Variants in FMN2 observed in about 807,000 individuals in gnomAD.
FMN2 encodes the protein formin-2.
A neutral mutation model predicts 142.3 loss-of-function variants in FMN2; 51 were observed. That is an observed-to-expected ratio of 0.36 (90% CI 0.29 to 0.45). The LOEUF is 0.45. FMN2 is among the 20% of genes least tolerant of loss of function. The pLI is 1.00. For missense variants in FMN2, 1,936 were observed against 2,122.8 expected, an observed-to-expected ratio of 0.91 and a Z score of 1.73; for synonymous variants, 882 against 869.8, an observed-to-expected ratio of 1.01 and a Z score of -0.25.
Position 240,092,789 on chromosome 1 carries a change from A to G in FMN2, c.680A>G (p.Gln227Arg), listed in dbSNP as rs1467372083. The G allele has an allele frequency of 1.3e-6, 2 of 1,597,388 alleles. No individual in the cohort carries two copies. Among genetic ancestry groups the G allele is most frequent in the Non-Finnish European group, 1.7e-6 (2 of 1,172,418 alleles). Residue 227 changes from glutamine (Q) to arginine (R), a missense_variant, in exon 1 of 18, where the codon CAG (glutamine) becomes CGG (arginine). Around this residue, in one of 8 missense-constraint regions of FMN2, gnomAD observed 751 missense variants for 791.8 expected, o/e 0.95. Coordinates refer to ENST00000319653, the MANE Select transcript of FMN2 (RefSeq NM_020066.5). ...LQQQQQQQQL[Q>R]GAEEPAAPPT... is the part of the protein sequence containing the mutation. Reference sequence around the variant, plus strand: ...CAACAGCAGCAGCAGCAGCAGCTCCAGGGCGCCGAGGAGCCTGCAGCGCCC... The same window carrying G: ...CAACAGCAGCAGCAGCAGCAGCTCCGGGGCGCCGAGGAGCCTGCAGCGCCC...
chr1:240,199,311 C>T (rs931795270), intron 4 of FMN2, among the ~76,000 whole-genome samples: 8 of 152,054 alleles, frequency 5.3e-5, no homozygotes, highest in Non-Finnish European at 1.2e-4. Flanking sequence ...ATTATTACAG[C>T]GTTAACTTAC....
At chr1:240,241,825 C>CTTCTTTTTTTTTTTTTTTTTTT (rs1667908718) in intron 6 of FMN2, among the ~76,000 whole-genome samples, 10 of 96,238 alleles carry the variant, frequency 1.0e-4, no homozygotes, top group Middle Eastern at 5.0e-3. Context: ...GTGTGCCTTG[C>CTTCTTTTTTTTTTTTTTTTTTT]TTTTTTTTTT....
Position 240,310,119 on chromosome 1 carries a change from A to T in FMN2, c.4215+15236A>T, listed in dbSNP as rs558883680. Among the ~76,000 whole-genome samples the T allele has an allele frequency of 1.6e-4, 25 of 152,342 alleles. No homozygotes were observed. The East Asian group carries it at 4.6e-3, about 28-fold the overall frequency. On this transcript the variant is annotated intron_variant, in intron 8 of 17. Coordinates refer to ENST00000319653, the MANE Select transcript of FMN2 (RefSeq NM_020066.5). ...GTTTAATAATAACATTTGAGGGTACATGTGAATTTTATCTAGAAAAAATAA... is the reference window on the plus strand; with the variant it reads ...GTTTAATAATAACATTTGAGGGTACTTGTGAATTTTATCTAGAAAAAATAA...
intron 2 of FMN2, among the ~76,000 whole-genome samples, chr1:240,177,452 T>C (rs1185497177): frequency 1.3e-5 from 2 of 152,170 alleles, no homozygotes; most frequent in Admixed American, 6.5e-5. Context: ...GTCGGTTTCC[T>C]GGGCCTTTTG....
At chr1:240,117,744 G>A (rs1662077757) in intron 1 of FMN2, among the ~76,000 whole-genome samples, 1 of 152,170 alleles carries the variant, frequency 6.6e-6, no homozygotes, top group Non-Finnish European at 1.5e-5. Flanking sequence ...ATTCATTGAT[G>A]ATCGAAAAAT....
At chr1:240,227,185 G>A (rs1001990996) in intron 6 of FMN2, among the ~76,000 whole-genome samples, 1 of 152,142 alleles carries the variant, frequency 6.6e-6, no homozygotes, top group African/African-American at 2.4e-5. Flanking sequence ...AATGTAATTA[G>A]GAAAACAACT....
At chr1:240,296,438 C>CTTTTTTTTTTTTTTTTTTTTTTTTTTT (rs772711130) in intron 8 of FMN2, among the ~76,000 whole-genome samples, 5 of 46,916 alleles carry the variant, frequency 1.1e-4, no homozygotes, top group Admixed American at 3.2e-4. Context: ...TCTTTGAGTG[C>CTTTTTTTTTTTTTTTTTTTTTTTTTTT]TTTTTTTTTT....
At chr1:240,097,923 G>A (rs968361599) in intron 1 of FMN2, among the ~76,000 whole-genome samples, 25 of 152,022 alleles carry the variant, frequency 1.6e-4, no homozygotes, top group Admixed American at 1.6e-3. Flanking sequence ...CATTAAGCTA[G>A]TAAGTGGCCC....
chr1:240,447,808 C>A (rs1410934358), intron 16 of FMN2, among the ~76,000 whole-genome samples: 1 of 152,090 alleles, frequency 6.6e-6, no homozygotes, highest in African/African-American at 2.4e-5. Flanking sequence ...AGTGCACAAA[C>A]CTACGCATCT....
Position 240,093,677 on chromosome 1 carries a change from C to T in FMN2, c.1568C>T (p.Ala523Val). 1 of 1,353,540 alleles carries T rather than the reference C, an allele frequency of 7.4e-7. No homozygotes were observed. Among genetic ancestry groups the T allele is most frequent in the Non-Finnish European group, 9.4e-7 (1 of 1,058,516 alleles). 83.8% of individuals were successfully genotyped at this position (1,353,540 alleles called of 1,614,324 possible). Residue 523 changes from alanine to valine, a missense_variant, in exon 1 of 18, where the codon GCG (alanine) becomes GTG (valine). Physicochemically the swap from Ala to Val is moderately conservative, Grantham distance 64. This residue lies in a region of FMN2 where 751 missense variants were observed against 791.8 expected (regional missense o/e 0.95). Transcript: ENST00000319653. Reference protein sequence around the residue: ...GGVSPALAAKASGAPAAADGF... With the variant: ...GGVSPALAAKVSGAPAAADGF... The stretch of plus-strand genomic sequence containing the variant: ...GTGTCCCCAGCACTGGCCGCCAAGG[C>T]GTCTGGGGCCCCCGCGGCTGCGGAT...
chr1:240,095,206 T>C (rs1390033793), intron 1 of FMN2, among the ~76,000 whole-genome samples: 1 of 152,196 alleles, frequency 6.6e-6, no homozygotes, highest in Non-Finnish European at 1.5e-5. Context: ...ATATTTTCTC[T>C]TTATCTAAGT....
intron 8 of FMN2, among the ~76,000 whole-genome samples, chr1:240,326,355 A>G (rs1040444111): frequency 1.3e-5 from 2 of 152,192 alleles, no homozygotes; most frequent in African/African-American, 2.4e-5. Flanking sequence ...AATAGAGTAC[A>G]AGGTATAAAG....
At chr1:240,195,715 C>G (rs2103361587) in intron 4 of FMN2, among the ~76,000 whole-genome samples, 1 of 152,276 alleles carries the variant, frequency 6.6e-6, no homozygotes, top group East Asian at 1.9e-4. Context: ...TTGACTGTAT[C>G]TTTTTAAATT....
intron 2 of FMN2, chr1:240,142,635 A>G (rs1217876131): frequency 2.5e-6 from 4 of 1,575,022 alleles, no homozygotes; most frequent in Non-Finnish European, 2.6e-6. Context: ...CCACTGATAC[A>G]TCAGCTGCAG....
intron 7 of FMN2, among the ~76,000 whole-genome samples, chr1:240,281,177 C>G (rs1191375577): frequency 6.6e-6 from 1 of 152,012 alleles, no homozygotes; most frequent in Non-Finnish European, 1.5e-5. Flanking sequence ...TTGAGATGTA[C>G]CAGTGTTGGA....
intron 7 of FMN2, among the ~76,000 whole-genome samples, chr1:240,280,504 A>G (rs1266947683): frequency 6.6e-6 from 1 of 152,204 alleles, no homozygotes; most frequent in African/African-American, 2.4e-5. Flanking sequence ...CATGTGTTAG[A>G]AAACAGTGGC....
At chr1:240,296,185 A>C (rs1429107735) in intron 8 of FMN2, among the ~76,000 whole-genome samples, 1 of 141,044 alleles carries the variant, frequency 7.1e-6, no homozygotes, top group Non-Finnish European at 1.5e-5. Context: ...AGCTTTTGTT[A>C]TGTAGTACTT....
chr1:240,466,437 T>C (rs901996896), intron 16 of FMN2, among the ~76,000 whole-genome samples: 2 of 152,292 alleles, frequency 1.3e-5, no homozygotes, highest in Non-Finnish European at 2.9e-5. Flanking sequence ...ATTATAAAGA[T>C]TTTTTTAAAG....
At chr1:240,468,666 A>T (rs904843072) in intron 16 of FMN2, among the ~76,000 whole-genome samples, 1 of 152,176 alleles carries the variant, frequency 6.6e-6, no homozygotes, top group African/African-American at 2.4e-5. Context: ...TTGTGACATG[A>T]CCATCTTTTT....
Sources: allele counts gnomAD v4.1 joint callset (sites outside exome capture counted in the v4.1 genomes callset), GRCh38; gene constraint gnomAD v4.1.1; regional missense constraint gnomAD v4.1.1; transcripts MANE v1.5; gene names NCBI Gene and HGNC (gene_info 2026-07-23, HGNC 2026-07-21).